The following LGALS9 variants were observed in gnomAD, a reference collection of about 807,000 sequenced individuals.
LGALS9 encodes the protein galectin 9, also known as galectin-9.
Under a neutral mutation model 35.9 loss-of-function variants are expected in LGALS9, and 26 were observed. That is an observed-to-expected ratio of 0.72 (90% CI 0.53 to 1.01). The LOEUF (loss-of-function observed/expected upper bound fraction) is 1.01, where lower values mean the gene tolerates loss of function less well. LGALS9 is among the 50% of genes least tolerant of loss of function. The probability of loss-of-function intolerance (pLI) is 0.00; values close to 1 mark genes in which losing one functional copy is unlikely to be tolerated. For synonymous variants in LGALS9, 149 were observed against 172.2 expected, an observed-to-expected ratio of 0.87 and a Z score of 1.06; for missense variants, 347 against 445.8, an observed-to-expected ratio of 0.78 and a Z score of 1.99.
chr17:27,631,252 G>C lies in LGALS9; in HGVS notation c.-14G>C. The C allele has an allele frequency of 6.2e-7, 1 of 1,614,172 alleles. No individual in the cohort carries two copies. Among genetic ancestry groups the C allele is most frequent in the Non-Finnish European group, 8.5e-7 (1 of 1,180,018 alleles). On this transcript the variant is annotated 5_prime_UTR_variant, in exon 1 of 11. Transcript: ENST00000395473. ...GGTGTGAAAGGCAGCGGTGGCCACA[G>C]AGGCGGCGGAGAGATGGCCTTCAGC... is the stretch of plus-strand genomic sequence containing the variant.
intron 7 of LGALS9, 40 bp from the exon 8 acceptor site, chr17:27,646,507 A>G: frequency 6.2e-7 from 1 of 1,611,962 alleles, no homozygotes; most frequent in Non-Finnish European, 8.5e-7. Context: ...TCGCGCACCC[A>G]TGTGCTCTCC....
At position 27,648,761 on chromosome 17, in the gene LGALS9, G is replaced by C. The variant is rs565986176; in HGVS notation, c.922-75G>C. On this transcript the variant is annotated intron_variant, in intron 10 of 10. Coordinates refer to ENST00000395473, the MANE Select transcript of LGALS9 (RefSeq NM_009587.3). ...AACTGAGGAGGGAGGGAGGGTGGGA[G>C]GGAGGGAGAGAGGAGGCTGCAGTGA... 3 of 1,605,184 alleles carry C rather than the reference G, an allele frequency of 1.9e-6. No homozygotes were observed. The South Asian group carries it at 3.3e-5, about 18-fold the overall frequency.
chr17:27,649,330 A>G lies in LGALS9; in HGVS notation c.*348A>G. On this transcript the variant is annotated 3_prime_UTR_variant, in exon 11 of 11. Coordinates refer to ENST00000395473, the MANE Select transcript of LGALS9 (RefSeq NM_009587.3). Reference sequence around the variant, plus strand: ...CCCACGCAGCTCCACCCCAGTCCCAAGCCACCAGCTGTCTGCTCCTGGTGG... The same window carrying G: ...CCCACGCAGCTCCACCCCAGTCCCAGGCCACCAGCTGTCTGCTCCTGGTGG... 1 of 369,652 alleles carries G rather than the reference A, an allele frequency of 2.7e-6. No individual in the cohort carries two copies. Among genetic ancestry groups the G allele is most frequent in the Non-Finnish European group, 5.2e-6 (1 of 193,060 alleles). 22.9% of individuals were successfully genotyped at this position (369,652 alleles called of 1,614,324 possible). A position where few individuals can be genotyped will look rare whatever the true frequency, so the allele number is the denominator to read the frequency against.
chr17:27,641,188 T>G (rs1338593060), intron 3 of LGALS9, among the ~76,000 whole-genome samples: 1 of 152,108 alleles, frequency 6.6e-6, no homozygotes. Flanking sequence ...AAATTACCCT[T>G]GCAAGCAGAG....
chr17:27,632,727 C>T (rs983881302), intron 1 of LGALS9, among the ~76,000 whole-genome samples: 2 of 152,236 alleles, frequency 1.3e-5, no homozygotes, highest in African/African-American at 4.8e-5. Flanking sequence ...AATTATCCTA[C>T]GGACATCAGA....
chr17:27,635,855 A>C (rs942430503), intron 1 of LGALS9, among the ~76,000 whole-genome samples: 12 of 152,364 alleles, frequency 7.9e-5, no homozygotes, highest in Admixed American at 3.3e-4. Context: ...GTTTCAGGGA[A>C]AACAGGCTTC....
intron 3 of LGALS9, among the ~76,000 whole-genome samples, chr17:27,641,648 A>G (rs1489759402): frequency 6.6e-6 from 1 of 152,170 alleles, no homozygotes; most frequent in East Asian, 1.9e-4. Flanking sequence ...ACAAATCTGC[A>G]CATCCTGTAC....
intron 1 of LGALS9, among the ~76,000 whole-genome samples, chr17:27,637,391 G>A (rs951587142): frequency 6.6e-6 from 1 of 152,242 alleles, no homozygotes; most frequent in Non-Finnish European, 1.5e-5. Flanking sequence ...GGCTTCCCAA[G>A]GTCACTCAGG....
chr17:27,641,084 C>T (rs1277267708), intron 3 of LGALS9: 2 of 561,656 alleles, frequency 3.6e-6, no homozygotes, highest in Admixed American at 2.3e-5. Context: ...AGCCATTCCT[C>T]CTCTCCAGGT....
chr17:27,643,895 T>C (rs1477692371), intron 5 of LGALS9, among the ~76,000 whole-genome samples: 1 of 152,172 alleles, frequency 6.6e-6, no homozygotes, highest in East Asian at 1.9e-4. Flanking sequence ...TTCCTCACCA[T>C]GACGACAGGG....
intron 1 of LGALS9, among the ~76,000 whole-genome samples, chr17:27,637,968 C>T (rs1342414022): frequency 6.6e-6 from 1 of 152,098 alleles, no homozygotes; most frequent in Non-Finnish European, 1.5e-5. Flanking sequence ...ATTCCTGCTG[C>T]AGCCTCCACT....
chr17:27,633,188 C>T (rs979225142), intron 1 of LGALS9, among the ~76,000 whole-genome samples: 6 of 152,210 alleles, frequency 3.9e-5, no homozygotes, highest in Non-Finnish European at 7.3e-5. Context: ...AGTTGTGTAA[C>T]TTTGAGCAAG....
chr17:27,649,079 T>TGG lies in LGALS9; in HGVS notation c.*99_*100dup. ...CAGGCCCAGCCTTTCCAACCCTGCC[T>TGG]GGGATCTGGGCTTTAATGCAGAGGC... is the stretch of plus-strand genomic sequence containing the variant. On this transcript the variant is annotated 3_prime_UTR_variant, in exon 11 of 11. Transcript: ENST00000395473. 5.7e-6 allele frequency: 9 copies of TGG among 1,571,604 alleles called. No homozygotes were observed. The South Asian group carries it at 1.0e-4, about 18-fold the overall frequency.
intron 5 of LGALS9, 155 bp from the exon 6 acceptor site, chr17:27,645,159 C>T (rs1456747891): frequency 4.1e-5 from 63 of 1,520,846 alleles, no homozygotes; most frequent in East Asian, 6.8e-5. Flanking sequence ...CTGGGTGCCA[C>T]GGGCTCAGGA....
intron 10 of LGALS9, among the ~76,000 whole-genome samples, chr17:27,647,860 A>C (rs749802127): frequency 6.6e-6 from 1 of 152,244 alleles, no homozygotes; most frequent in Non-Finnish European, 1.5e-5. Context: ...GGAAAGAACA[A>C]GGAAAGTAAA....
intron 1 of LGALS9, among the ~76,000 whole-genome samples, chr17:27,632,781 G>A (rs2074405259): frequency 6.6e-6 from 1 of 152,238 alleles, no homozygotes; most frequent in East Asian, 1.9e-4. Context: ...AAGATGATCA[G>A]TGCAGCCCCT....
Position 27,647,427 on chromosome 17 carries a change from T to G in LGALS9, c.916T>G (p.Phe306Val), listed in dbSNP as rs768303501. 1.1e-5 allele frequency: 18 copies of G among 1,614,050 alleles called. No individual in the cohort carries two copies. The highest frequency in any genetic ancestry group is 1.6e-4 in the Middle Eastern group (1 of 6,062). Residue 306 changes from phenylalanine to valine, a missense_variant, in exon 10 of 11, where the codon TTC becomes GTC. Phe to Val is a conservative substitution (Grantham distance 50, BLOSUM62 -1). Coordinates refer to ENST00000395473, the MANE Select transcript of LGALS9 (RefSeq NM_009587.3). ...AATGCCCTTCGTCCGTGGCCAGAGC[T>G]TCTCAGTAAGGCACCGCAGTCTGGA... ...RKMPFVRGQS[F>V]SVWILCEAHC... is the part of the protein sequence containing the mutation.
chr17:27,646,935 A>G, intron 8 of LGALS9, 95 bp from the exon 9 acceptor site: 5 of 1,552,760 alleles, frequency 3.2e-6, no homozygotes, highest in Non-Finnish European at 4.4e-6. Context: ...TAAAGATATC[A>G]TGGGCTTCTT....
At chr17:27,642,109 C>G in intron 3 of LGALS9, 129 bp from the exon 4 acceptor site, 1 of 1,502,500 alleles carries the variant, frequency 6.7e-7, no homozygotes, top group Non-Finnish European at 8.9e-7. Flanking sequence ...ACACACGTTC[C>G]TGTAACTGGC....
Sources: allele counts gnomAD v4.1 joint callset (sites outside exome capture counted in the v4.1 genomes callset), GRCh38; gene constraint gnomAD v4.1.1; transcripts MANE v1.5; gene names NCBI Gene and HGNC (gene_info 2026-07-23, HGNC 2026-07-21).